NCALD: variants seen among roughly 807,000 people sequenced by gnomAD.
NCALD encodes the protein neurocalcin-delta.
Under a neutral mutation model 18.6 loss-of-function variants are expected in NCALD, and 10 were observed. That is an observed-to-expected ratio of 0.54 (90% CI 0.33 to 0.91). The LOEUF is 0.91. Among genes scored for constraint, NCALD ranks in the 40% least tolerant of loss-of-function variants. NCALD has a pLI of 0.03. For missense variants in NCALD, 184 were observed against 247.6 expected, an observed-to-expected ratio of 0.74 and a Z score of 1.72; for synonymous variants, 88 against 87.4, an observed-to-expected ratio of 1.01 and a Z score of -0.04.
intron 4 of NCALD, among the ~76,000 whole-genome samples, chr8:101,848,591 C>T (rs1814966088): frequency 6.6e-6 from 1 of 152,126 alleles, no homozygotes; most frequent in African/African-American, 2.4e-5. Flanking sequence ...TGGAGAGTCA[C>T]ATTGAAATGG....
At chr8:101,743,073 A>G (rs1353002160) in intron 1 of NCALD, among the ~76,000 whole-genome samples, 1 of 152,200 alleles carries the variant, frequency 6.6e-6, no homozygotes, top group Non-Finnish European at 1.5e-5. Flanking sequence ...GTATTTTAAA[A>G]TATTTAAATT....
At chr8:101,778,143 G>A (rs910878725) in intron 1 of NCALD, among the ~76,000 whole-genome samples, 2 of 152,252 alleles carry the variant, frequency 1.3e-5, no homozygotes, top group African/African-American at 2.4e-5. Context: ...AGTCAGGACA[G>A]TCACAGGCTT....
chr8:101,934,209 G>A (rs576372459), intron 2 of NCALD, among the ~76,000 whole-genome samples: 99 of 152,256 alleles, frequency 6.5e-4, no homozygotes, highest in Middle Eastern at 3.4e-3. Flanking sequence ...ACCACATAAT[G>A]TGTGATATGA....
Position 101,852,246 on chromosome 8 carries a change from C to A in NCALD, c.-20+34895G>T, listed in dbSNP as rs531195468. ...ACTTTTCTCGAGGGAGTGATATTTG[C>A]CAGCCTGGAGCTCCTCCTCTGATAC... On this transcript the variant is annotated intron_variant, in intron 4 of 6. Coordinates refer to the NCALD transcript ENST00000311028. Among the ~76,000 whole-genome samples, 18 of 152,250 alleles carry A rather than the reference C, an allele frequency of 1.2e-4. No individual in the cohort carries two copies. The South Asian group carries it at 3.7e-3, about 32-fold the overall frequency.
At chr8:101,740,325 A>T (rs62519291) in intron 1 of NCALD, among the ~76,000 whole-genome samples, 2 of 152,256 alleles carry the variant, frequency 1.3e-5, no homozygotes, top group East Asian at 3.8e-4. Context: ...GGACTTTCAC[A>T]TACACTATTT....
chr8:101,898,695 G>T (rs1817303031), intron 3 of NCALD, among the ~76,000 whole-genome samples: 1 of 151,874 alleles, frequency 6.6e-6, no homozygotes, highest in Admixed American at 6.6e-5. Flanking sequence ...TAAGTTGTGG[G>T]GTGATGAATA....
chr8:101,843,582 G>GTTTTGTTTTT (rs1814736091), intron 4 of NCALD, among the ~76,000 whole-genome samples: 2 of 125,140 alleles, frequency 1.6e-5, no homozygotes, highest in Admixed American at 8.5e-5. Flanking sequence ...TTTAAAAATT[G>GTTTTGTTTTT]TTTTTTTTTT....
chr8:101,721,945 A>G (rs1457140987), intron 1 of NCALD, among the ~76,000 whole-genome samples: 1 of 151,730 alleles, frequency 6.6e-6, no homozygotes, highest in Non-Finnish European at 1.5e-5. Flanking sequence ...GAGTTTAAGC[A>G]ATCCTCCTGC....
At chr8:101,804,703 A>ATG (rs1294531143) in intron 4 of NCALD, among the ~76,000 whole-genome samples, 4 of 145,078 alleles carry the variant, frequency 2.8e-5, no homozygotes, top group Non-Finnish European at 6.0e-5. Context: ...CTAATTATAT[A>ATG]TAAATAATTA....
intron 2 of NCALD, among the ~76,000 whole-genome samples, chr8:102,017,060 C>G (rs999878072): frequency 2.0e-5 from 3 of 151,918 alleles, no homozygotes; most frequent in Admixed American, 2.0e-4. Flanking sequence ...GAAATTTTAT[C>G]CAAATTGAAA....
intron 2 of NCALD, among the ~76,000 whole-genome samples, chr8:101,698,309 C>A (rs781743308): frequency 1.3e-5 from 2 of 152,188 alleles, no homozygotes; most frequent in African/African-American, 4.8e-5. Context: ...GAGAAACACT[C>A]CATCCTCACG....
intron 1 of NCALD, among the ~76,000 whole-genome samples, chr8:101,782,781 G>C (rs1812069647): frequency 6.6e-6 from 1 of 152,084 alleles, no homozygotes; most frequent in African/African-American, 2.4e-5. Context: ...TATCCTCTGG[G>C]GTTAATCTGT....
At chr8:102,094,919 TC>T (rs1018668827) in intron 1 of NCALD, among the ~76,000 whole-genome samples, 6 of 152,142 alleles carry the variant, frequency 3.9e-5, no homozygotes, top group African/African-American at 1.4e-4. Context: ...GAGAAGAGTC[TC>T]CCCTAGAGCC....
intron 2 of NCALD, among the ~76,000 whole-genome samples, chr8:101,995,048 A>G (rs1236549985): frequency 1.3e-5 from 2 of 152,194 alleles, no homozygotes; most frequent in African/African-American, 4.8e-5. Flanking sequence ...GTTTTTTTAA[A>G]AAGTTTGCTT....
chr8:101,788,004 T>C (rs1812297340), intron 1 of NCALD, among the ~76,000 whole-genome samples: 1 of 152,092 alleles, frequency 6.6e-6, no homozygotes, highest in Non-Finnish European at 1.5e-5. Flanking sequence ...CAGGTAAGGG[T>C]TTCCCAATCC....
At chr8:101,819,809 G>A (rs896851319) in intron 4 of NCALD, among the ~76,000 whole-genome samples, 1 of 152,154 alleles carries the variant, frequency 6.6e-6, no homozygotes, top group Non-Finnish European at 1.5e-5. Context: ...GAGTGAAGAG[G>A]AAAGGAGAGA....
intron 2 of NCALD, among the ~76,000 whole-genome samples, chr8:101,954,345 T>C (rs979487505): frequency 6.6e-6 from 1 of 152,202 alleles, no homozygotes; most frequent in Non-Finnish European, 1.5e-5. Flanking sequence ...TCATGCCACA[T>C]GGAAAGCAGA....
chr8:101,848,655 C>G (rs567090273), intron 4 of NCALD, among the ~76,000 whole-genome samples: 2 of 152,186 alleles, frequency 1.3e-5, no homozygotes, highest in Admixed American at 1.3e-4. Context: ...TAAAGTTTCT[C>G]TAACTCAGTG....
intron 2 of NCALD, among the ~76,000 whole-genome samples, chr8:101,970,188 A>AGAATT (rs1820187804): frequency 6.6e-6 from 1 of 152,032 alleles, no homozygotes; most frequent in Admixed American, 6.6e-5. Flanking sequence ...TTCAGTTTCT[A>AGAATT]CTCTCCAGAT....
Sources: allele counts gnomAD v4.1 joint callset (sites outside exome capture counted in the v4.1 genomes callset), GRCh38; gene constraint gnomAD v4.1.1; transcripts MANE v1.5; gene names NCBI Gene and HGNC (gene_info 2026-07-23, HGNC 2026-07-21).